The following STK35 variants were observed in gnomAD, a reference collection of about 807,000 sequenced individuals.
STK35 encodes serine/threonine kinase 35, also known as serine/threonine-protein kinase 35.
STK35 carries 17 observed loss-of-function variants against 37.3 expected under a neutral mutation model. The ratio of observed to expected loss-of-function variants is 0.46; its 90% CI spans 0.31 to 0.68. STK35 has a LOEUF of 0.68. Among genes scored for constraint, STK35 ranks in the 30% least tolerant of loss-of-function variants. The pLI, the probability that STK35 is intolerant of heterozygous loss-of-function variation, is 0.05. For missense variants in STK35, 595 were observed against 746.7 expected, an observed-to-expected ratio of 0.80 and a Z score of 2.37; for synonymous variants, 385 against 319.1, an observed-to-expected ratio of 1.21 and a Z score of -2.20.
intron 2 of STK35, among the ~76,000 whole-genome samples, chr20:2,104,702 T>G (rs773527959): frequency 3.3e-5 from 5 of 152,168 alleles, no homozygotes; most frequent in Admixed American, 6.5e-5. Flanking sequence ...AGAGAACGCT[T>G]TGTCCCATTG....
Position 2,102,914 on chromosome 20 carries a change from C to T in STK35, c.441C>T (p.Ser147=). The change falls in exon 2 of 4, where the codon AGC becomes AGT. Residue 147 remains serine, a synonymous_variant. Transcript: ENST00000381482. The part of the protein sequence containing the change: ...GKDGARRGTQ[S]PERKRRSPVP... ...ACGGCGCCCGCAGAGGTACACAAAG[C>T]CCGGAGCGGAAAAGGCGAAGCCCAG... 15 of 1,556,368 alleles carry T rather than the reference C, an allele frequency of 9.6e-6. No homozygotes were observed. Among genetic ancestry groups the T allele is most frequent in the Non-Finnish European group, 1.3e-5 (15 of 1,159,888 alleles).
rs1271795854 is a variant in STK35, at chr20:2,145,506, A to G, written c.*1760A>G. 1 of 152,068 alleles carries G rather than the reference A, an allele frequency of 6.6e-6. No homozygotes were observed. Among genetic ancestry groups the G allele is most frequent in the Admixed American group, 6.5e-5 (1 of 15,270 alleles). 9.4% of individuals were successfully genotyped at this position (152,068 alleles called of 1,614,324 possible). A position where few individuals can be genotyped will look rare whatever the true frequency, so the allele number is the denominator to read the frequency against. ...AGTGCATCAGGCCAGGCTCAGCAAT[A>G]TGTTTGCTCACATTCTTTCAGCCTT... is the stretch of plus-strand genomic sequence containing the variant. On this transcript the variant is annotated 3_prime_UTR_variant, in exon 4 of 4. Coordinates refer to ENST00000381482, the MANE Select transcript of STK35 (RefSeq NM_080836.4).
intron 3 of STK35, among the ~76,000 whole-genome samples, chr20:2,140,084 C>T (rs55740838): frequency 0.011 from 1,624 of 152,316 alleles, 23 homozygotes; most frequent in African/African-American, 0.035. Flanking sequence ...TGCTCCATTT[C>T]TCTGGGCCTG....
chr20:2,136,501 C>T (rs1280826493), intron 3 of STK35, among the ~76,000 whole-genome samples: 1 of 152,240 alleles, frequency 6.6e-6, no homozygotes, highest in Non-Finnish European at 1.5e-5. Flanking sequence ...CTGAGCATCA[C>T]TGTCCACACC....
chr20:2,118,107 T>C (rs1045535765), intron 3 of STK35, among the ~76,000 whole-genome samples: 19 of 152,242 alleles, frequency 1.2e-4, no homozygotes, highest in African/African-American at 4.6e-4. Context: ...CCACATAGTT[T>C]AGATCTTGCC....
intron 3 of STK35, among the ~76,000 whole-genome samples, chr20:2,134,127 G>A (rs916173583): frequency 6.6e-6 from 1 of 152,038 alleles, no homozygotes; most frequent in Admixed American, 6.6e-5. Flanking sequence ...GGGCGTGGTG[G>A]TGCACACCTG....
intron 2 of STK35, among the ~76,000 whole-genome samples, chr20:2,112,835 T>A (rs1045094395): frequency 6.6e-6 from 1 of 152,250 alleles, no homozygotes; most frequent in Non-Finnish European, 1.5e-5. Context: ...CTTATACAAC[T>A]GTCAGATTAT....
chr20:2,103,159 C>T lies in STK35; in HGVS notation c.686C>T (p.Ala229Val). The T allele has an allele frequency of 1.2e-6, 2 of 1,606,268 alleles. No individual in the cohort carries two copies. The highest frequency in any genetic ancestry group is 8.5e-7 in the Non-Finnish European group (1 of 1,179,142). ...GCCGGGCGCAGCGGGGCCCGGGTGG[C>T]GGTCAAGAAGATCCGCTGCGACGCC... is the stretch of plus-strand genomic sequence containing the variant. ...AVAGRSGARV[A>V]VKKIRCDAPE... is the part of the protein sequence containing the mutation. The change falls in exon 2 of 4, where the codon GCG becomes GTG. Residue 229 changes from alanine to valine, a missense_variant. Ala to Val is a moderately conservative substitution (Grantham distance 64). Transcript: ENST00000381482.
intron 3 of STK35, among the ~76,000 whole-genome samples, chr20:2,137,063 G>A (rs1239896017): frequency 6.6e-6 from 1 of 152,218 alleles, no homozygotes; most frequent in African/African-American, 2.4e-5. Flanking sequence ...TTGAGGCCAA[G>A]GCATCTTTTC....
chr20:2,102,482 C>T (rs1245286758), intron 1 of STK35, among the ~76,000 whole-genome samples: 1 of 152,220 alleles, frequency 6.6e-6, no homozygotes. Context: ...AAGCGGTTTT[C>T]AGAAGGCGTG....
rs1985941598 is a variant in STK35 at position 2,128,335 on chromosome 20, C to G, written c.*37+10920C>G. 2.6e-5 allele frequency among the ~76,000 whole-genome samples: 4 copies of G among 152,218 alleles called. No homozygotes were observed. In the South Asian group the frequency reaches 8.3e-4, roughly 32 times the overall value. ...GACCTAGGTGTGAGAATCGGGAGGG[C>G]CTGTAAGGTCCTGGCTTCTATAATT... is the stretch of plus-strand genomic sequence containing the variant. On this transcript the variant is annotated intron_variant, in intron 3 of 3. Transcript: ENST00000381482.
At position 2,102,026 on chromosome 20, in the gene STK35, G is replaced by A. The variant is rs1187342465; in HGVS notation, c.145G>A (p.Ala49Thr). 2.4e-5 allele frequency: 36 copies of A among 1,527,366 alleles called. No homozygotes were observed. In the East Asian group the frequency reaches 7.9e-4, roughly 34 times the overall value. The allele number at this position is 1,527,366 out of a possible 1,614,324, so 94.6% of individuals were successfully genotyped here. A position where few individuals can be genotyped will look rare whatever the true frequency, so the allele number is the denominator to read the frequency against. ...CCAGGCTTCCCCAGCGAGCGCCGCG[G>A]CAGCAGAAGGATCCGCTACACGCCG... ...GAQASPASAA[A>T]AEGSATRRAR... Residue 49 changes from alanine (A) to threonine (T), a missense_variant, in exon 1 of 4, where the codon GCA becomes ACA. Ala to Thr is a moderately conservative substitution (Grantham distance 58). This residue lies in a region of STK35 where 389 missense variants were observed against 320.0 expected (regional missense o/e 1.22). Transcript: ENST00000381482.
intron 2 of STK35, among the ~76,000 whole-genome samples, chr20:2,103,657 T>G (rs1985454663): frequency 6.6e-6 from 1 of 152,236 alleles, no homozygotes; most frequent in South Asian, 2.1e-4. Context: ...ATTAAACGTC[T>G]TCTATTTTTA....
intron 3 of STK35, among the ~76,000 whole-genome samples, chr20:2,126,147 T>G (rs1985901655): frequency 6.6e-6 from 1 of 152,222 alleles, no homozygotes; most frequent in Non-Finnish European, 1.5e-5. Context: ...CCGTCACTCA[T>G]GCTTACTCCA....
intron 3 of STK35, among the ~76,000 whole-genome samples, chr20:2,136,638 G>T (rs543686577): frequency 1.3e-5 from 2 of 152,310 alleles, no homozygotes; most frequent in South Asian, 4.1e-4. Flanking sequence ...TGGAATGAAT[G>T]ATTCTGTGAA....
intron 3 of STK35, among the ~76,000 whole-genome samples, chr20:2,123,363 G>A (rs564158569): frequency 1.3e-5 from 2 of 152,168 alleles, no homozygotes; most frequent in African/African-American, 2.4e-5. Context: ...CTGGCCTGGG[G>A]TCCAAAGATG....
intron 2 of STK35, among the ~76,000 whole-genome samples, chr20:2,109,538 A>G (rs1164707421): frequency 1.3e-5 from 2 of 152,244 alleles, no homozygotes; most frequent in Non-Finnish European, 2.9e-5. Context: ...ATCAAGGTCA[A>G]GTTGCTTGTC....
intron 3 of STK35, among the ~76,000 whole-genome samples, chr20:2,118,763 T>C (rs1985765600): frequency 6.6e-6 from 1 of 152,264 alleles, no homozygotes; most frequent in African/African-American, 2.4e-5. Context: ...CATATTATGG[T>C]GTATGTGTTA....
rs6106228 is a variant in STK35 at position 2,102,121 on chromosome 20, G to A, written c.240G>A (p.Gln80=). The A allele has an allele frequency of 0.087, 124,507 of 1,429,988 alleles. 20,898 individuals are homozygous for A. The highest frequency in any genetic ancestry group is 0.81 in the East Asian group (28,399 of 35,020). The allele number at this position is 1,429,988 out of a possible 1,614,324, so 88.6% of individuals were successfully genotyped here. A position where few individuals can be genotyped will look rare whatever the true frequency, so the allele number is the denominator to read the frequency against. ...CCGGGCCCGGAGCGGACCATCCCCA[G>A]GCAGGGGCTCCAGGGGGGAAACGGG... ...RQPGPGADHP[Q]AGAPGGKRAA... is the part of the protein sequence containing the mutation. Residue 80 remains glutamine, a synonymous_variant, in exon 1 of 4, where the codon CAG becomes CAA. Coordinates refer to ENST00000381482, the MANE Select transcript of STK35 (RefSeq NM_080836.4).
Sources: gnomAD v4.1 joint callset for allele counts (sites outside exome capture counted in the v4.1 genomes callset) on GRCh38, gnomAD v4.1.1 for gene constraint, gnomAD v4.1.1 regional missense constraint, MANE v1.5 for transcripts, NCBI Gene and HGNC (gene_info 2026-07-23, HGNC 2026-07-21) for gene names.